SAMD4A: variants seen among roughly 807,000 people sequenced by gnomAD.
SAMD4A encodes the protein protein Smaug homolog 1.
Under a neutral mutation model 81.3 loss-of-function variants are expected in SAMD4A, and 33 were observed. That is an observed-to-expected ratio of 0.41 (90% CI 0.31 to 0.54). The LOEUF (loss-of-function observed/expected upper bound fraction) is 0.54. Ranked by LOEUF, SAMD4A falls within the 20% of genes least tolerant of loss-of-function variation. SAMD4A has a pLI of 0.37. For synonymous variants in SAMD4A, 389 were observed against 382.1 expected (o/e 1.02, Z -0.21); for missense variants, 854 against 951.1 (o/e 0.90, Z 1.34).
At chr14:54,754,810 C>G (rs567739828) in intron 6 of SAMD4A, 3 of 987,852 alleles carry the variant, frequency 3.0e-6, no homozygotes, top group East Asian at 2.3e-4. Flanking sequence ...TGTCTGAGTT[C>G]TGTGTGCAGA....
At chr14:54,776,754 G>A (rs562961009) in intron 11 of SAMD4A, among the ~76,000 whole-genome samples, 10 of 152,318 alleles carry the variant, frequency 6.6e-5, no homozygotes, top group East Asian at 5.8e-4. Context: ...GGTTGCAATC[G>A]GATGGGGATA....
intron 9 of SAMD4A, among the ~76,000 whole-genome samples, chr14:54,773,596 C>A (rs1331558136): frequency 1.3e-5 from 2 of 152,240 alleles, no homozygotes. Flanking sequence ...GCGCCGGCAT[C>A]TGCACGTGAT....
chr14:54,650,840 G>A (rs1334057599), intron 2 of SAMD4A, among the ~76,000 whole-genome samples: 1 of 152,140 alleles, frequency 6.6e-6, no homozygotes, highest in Non-Finnish European at 1.5e-5. Flanking sequence ...CACGTTGTAT[G>A]CTTGCACTGA....
chr14:54,682,117 T>C (rs1441002702), intron 2 of SAMD4A: 1 of 934,162 alleles, frequency 1.1e-6, no homozygotes, highest in Non-Finnish European at 1.3e-6. Flanking sequence ...TATCCCACAA[T>C]GTTTGGGGTT....
chr14:54,791,921 A>T lies in SAMD4A; in HGVS notation c.*2977A>T, dbSNP rs2039265580. 6.6e-6 allele frequency: 1 copy of T among 152,232 alleles called. No individual in the cohort carries two copies. Among genetic ancestry groups the T allele is most frequent in the Non-Finnish European group, 1.5e-5 (1 of 68,040 alleles). The allele number at this position is 152,232 out of a possible 1,614,324, so 9.4% of individuals were successfully genotyped here. ...ATATTAAGAAAATAGTAACAATTTT[A>T]AAATCTCAGAGTAAAATCTATTTCA... On this transcript the variant is annotated 3_prime_UTR_variant, in exon 13 of 13. Coordinates refer to ENST00000554335, the MANE Select transcript of SAMD4A (RefSeq NM_015589.6).
intron 2 of SAMD4A, among the ~76,000 whole-genome samples, chr14:54,604,346 A>C (rs749928608): frequency 6.6e-6 from 1 of 152,260 alleles, no homozygotes; most frequent in Non-Finnish European, 1.5e-5. Flanking sequence ...GAAGAACCAC[A>C]AATTAAGTCT....
At chr14:54,730,611 G>A (rs2037538839) in intron 3 of SAMD4A, among the ~76,000 whole-genome samples, 2 of 152,226 alleles carry the variant, frequency 1.3e-5, no homozygotes, top group East Asian at 1.9e-4. Flanking sequence ...AGCATGCAGA[G>A]TTGAGGCTTT....
intron 2 of SAMD4A, among the ~76,000 whole-genome samples, chr14:54,652,456 G>T (rs1200260669): frequency 6.6e-6 from 1 of 152,206 alleles, no homozygotes; most frequent in Non-Finnish European, 1.5e-5. Context: ...CCTGGGACTT[G>T]TAGGACTGGG....
chr14:54,608,254 G>A (rs2034266899), intron 2 of SAMD4A, among the ~76,000 whole-genome samples: 1 of 152,060 alleles, frequency 6.6e-6, no homozygotes, highest in African/African-American at 2.4e-5. Flanking sequence ...TCCATACCTG[G>A]CCCAGTTGTA....
intron 2 of SAMD4A, among the ~76,000 whole-genome samples, chr14:54,673,233 A>G (rs1034758779): frequency 6.6e-6 from 1 of 152,142 alleles, no homozygotes; most frequent in African/African-American, 2.4e-5. Context: ...AGTCACCCCA[A>G]TTTCAATGGG....
intron 2 of SAMD4A, among the ~76,000 whole-genome samples, chr14:54,647,245 C>G (rs574190926): frequency 1.3e-5 from 2 of 152,144 alleles, no homozygotes; most frequent in Non-Finnish European, 2.9e-5. Context: ...TATGAACCAA[C>G]CATTGCTAAT....
chr14:54,654,959 T>C (rs2035486310), intron 2 of SAMD4A, among the ~76,000 whole-genome samples: 1 of 152,224 alleles, frequency 6.6e-6, no homozygotes, highest in Admixed American at 6.5e-5. Context: ...ATAGTCCATA[T>C]AGCAGAGACA....
At chr14:54,566,387 T>A (rs1200419197), upstream of SAMD4A, among the ~76,000 whole-genome samples, 1 of 151,520 alleles carries the variant, frequency 6.6e-6, no homozygotes, top group Admixed American at 6.6e-5. Context: ...GGCTTCCCCC[T>A]CCGCCCGAGA....
At position 54,715,199 on chromosome 14, in the gene SAMD4A, GA is replaced by G. The variant is rs978798559; in HGVS notation, c.715+12629del. ...TCCCAAGAGGGCAGAGTATTTGAAA[GA>G]AAAAAAAAATTGCCATAGTGAATTC... is the stretch of plus-strand genomic sequence containing the variant. On this transcript the variant is annotated intron_variant, in intron 3 of 12. Coordinates refer to ENST00000554335, the MANE Select transcript of SAMD4A (RefSeq NM_015589.6). Among the ~76,000 whole-genome samples the G allele has an allele frequency of 7.3e-5, 11 of 149,702 alleles. 1 individual carries two copies. In the South Asian group the frequency reaches 1.3e-3, roughly 17 times the overall value.
chr14:54,686,690 G>T (rs949786464), intron 2 of SAMD4A, among the ~76,000 whole-genome samples: 1 of 152,232 alleles, frequency 6.6e-6, no homozygotes, highest in African/African-American at 2.4e-5. Flanking sequence ...AGGGACCGAA[G>T]CCAAGTCAAA....
chr14:54,664,590 T>C (rs1287422846), intron 2 of SAMD4A, among the ~76,000 whole-genome samples: 2 of 152,130 alleles, frequency 1.3e-5, no homozygotes, highest in East Asian at 1.9e-4. Context: ...TTCCTTCTCT[T>C]CCTCCTGTCC....
intron 3 of SAMD4A, among the ~76,000 whole-genome samples, chr14:54,724,043 A>AGGAAGGAAGGAG (rs1427798514): frequency 6.6e-6 from 1 of 150,760 alleles, no homozygotes; most frequent in African/African-American, 2.5e-5. Flanking sequence ...GAAGGAAGGA[A>AGGAAGGAAGGAG]GGAAGGAATA....
chr14:54,635,856 C>G (rs921624804), intron 2 of SAMD4A, among the ~76,000 whole-genome samples: 10 of 152,166 alleles, frequency 6.6e-5, no homozygotes, highest in Non-Finnish European at 2.9e-5. Context: ...CATACCACAG[C>G]CCAGCATTCA....
chr14:54,641,508 G>A (rs556344540), intron 2 of SAMD4A, among the ~76,000 whole-genome samples: 61 of 152,154 alleles, frequency 4.0e-4, no homozygotes, highest in African/African-American at 1.4e-3. Context: ...ACACTCGTGC[G>A]TTCACTACAT....
Sources: allele counts gnomAD v4.1 joint callset (sites outside exome capture counted in the v4.1 genomes callset), GRCh38; gene constraint gnomAD v4.1.1; transcripts MANE v1.5; gene names NCBI Gene and HGNC (gene_info 2026-07-23, HGNC 2026-07-21).